Variants in USP8 observed in about 807,000 individuals in gnomAD.
USP8 encodes ubiquitin carboxyl-terminal hydrolase 8.
In USP8, 27 loss-of-function variants were observed where a neutral mutation model predicts 130.0. The observed-to-expected ratio is 0.21, with a 90% CI of 0.15 to 0.29. The LOEUF (loss-of-function observed/expected upper bound fraction) is 0.29. USP8 is among the 10% of genes least tolerant of loss of function. The probability of loss-of-function intolerance (pLI) is 1.00; values close to 1 mark genes in which losing one functional copy is unlikely to be tolerated. For missense variants in USP8, 1,029 were observed against 1,312.2 expected (o/e 0.78, Z 3.33); for synonymous variants, 392 against 444.1 (o/e 0.88, Z 1.48).
chr15:50,488,552 CTTTTTTTTTTTTTTTTT>C (rs397853938), intron 12 of USP8, among the ~76,000 whole-genome samples: 29 of 70,942 alleles, frequency 4.1e-4, no homozygotes, highest in African/African-American at 1.4e-3. Context: ...TCAAGGTTGG[CTTTTTTTTTTTTTTTTT>C]TTTTTTTTTT....
At chr15:50,480,141 T>C (rs1348001544) in intron 10 of USP8, among the ~76,000 whole-genome samples, 5 of 152,348 alleles carry the variant, frequency 3.3e-5, no homozygotes, top group South Asian at 2.1e-4. Context: ...CATGTTCTTA[T>C]AAGTTTTTAT....
In USP8 at chr15:50,474,835, G is replaced by A. The variant is rs187806485; in HGVS notation, c.850-2014G>A. Among the ~76,000 whole-genome samples the A allele has an allele frequency of 3.5e-3, 532 of 152,264 alleles. 5 individuals carry two copies. Among genetic ancestry groups the A allele is most frequent in the African/African-American group, 0.012 (493 of 41,556 alleles). On this transcript the variant is annotated intron_variant, in intron 8 of 19. Coordinates refer to ENST00000307179, the MANE Select transcript of USP8 (RefSeq NM_005154.5). ...ATGAAGACTGTGTTTATGGCTGGCC[G>A]CGGTGGCTCACACCTGTGATCCCAG...
At chr15:50,483,663 G>C (rs149186552) in intron 11 of USP8, among the ~76,000 whole-genome samples, 1 of 151,868 alleles carries the variant, frequency 6.6e-6, no homozygotes, top group Non-Finnish European at 1.5e-5. Flanking sequence ...GTGTGGTGGC[G>C]GGCGCCTGTA....
chr15:50,455,268 A>G (rs971752545), intron 4 of USP8, among the ~76,000 whole-genome samples: 4 of 151,188 alleles, frequency 2.6e-5, no homozygotes, highest in African/African-American at 9.7e-5. Flanking sequence ...TTGTAGAGAC[A>G]GGGTTTCACC....
chr15:50,433,672 C>G (rs2049999367), intron 1 of USP8, among the ~76,000 whole-genome samples: 1 of 152,142 alleles, frequency 6.6e-6, no homozygotes, highest in African/African-American at 2.4e-5. Context: ...GTGGCGCGAT[C>G]TCAGCTCACT....
At chr15:50,464,744 C>T (rs1464225021) in intron 6 of USP8, among the ~76,000 whole-genome samples, 1 of 152,178 alleles carries the variant, frequency 6.6e-6, no homozygotes, top group Non-Finnish European at 1.5e-5. Flanking sequence ...TTCCCAGCTA[C>T]TCAGGAGGCT....
rs2050497244 is a variant in USP8, at chr15:50,447,970, A to G, written c.250-1430A>G. ...CTCAGGCTGGTGTCAAACTCCTGAC[A>G]TCAGATAGATGATCCACCCACCCCA... On this transcript the variant is annotated intron_variant, in intron 3 of 19. Transcript: ENST00000307179. 1.3e-5 allele frequency among the ~76,000 whole-genome samples: 2 copies of G among 151,230 alleles called. 1 individual carries two copies. Among genetic ancestry groups the G allele is most frequent in the South Asian group, 4.2e-4 (2 of 4,772 alleles).
At position 50,465,033 on chromosome 15, in the gene USP8, C is replaced by T. The variant is rs771338306; in HGVS notation, c.542-14C>T. The T allele has an allele frequency of 6.2e-7, 1 of 1,612,726 alleles. No individual in the cohort carries two copies. The highest frequency in any genetic ancestry group is 1.1e-5 in the South Asian group (1 of 90,832). ...CTGTTTCTTGTCACTTACACTGTCT[C>T]TCTCAATTCCAAGGAGCAATCACAG... On this transcript the variant is annotated splice_polypyrimidine_tract_variant and intron_variant, in intron 6 of 19. Coordinates refer to ENST00000307179, the MANE Select transcript of USP8 (RefSeq NM_005154.5).
intron 7 of USP8, among the ~76,000 whole-genome samples, chr15:50,468,471 G>A (rs951035779): frequency 6.6e-6 from 1 of 151,840 alleles, no homozygotes; most frequent in Admixed American, 6.6e-5. Context: ...TTGAACTCCT[G>A]GCCTCAAGTG....
intron 1 of USP8, among the ~76,000 whole-genome samples, chr15:50,438,435 C>G (rs1206820156): frequency 1.3e-5 from 2 of 152,148 alleles, no homozygotes; most frequent in African/African-American, 4.8e-5. Context: ...AACACAAAAA[C>G]TAGCTGGGGG....
intron 4 of USP8, among the ~76,000 whole-genome samples, chr15:50,450,582 C>T (rs1372401292): frequency 6.7e-6 from 1 of 150,254 alleles, no homozygotes; most frequent in African/African-American, 2.4e-5. Flanking sequence ...AGTCATTCTC[C>T]TGCCTCAGCC....
intron 5 of USP8, among the ~76,000 whole-genome samples, chr15:50,459,996 C>CCCCCCCCTTT (rs567135111): frequency 1.2e-4 from 11 of 92,008 alleles, no homozygotes; most frequent in South Asian, 4.0e-4. Context: ...CACCCCCCCC[C>CCCCCCCCTTT]TTTTTTTTTT....
Position 50,455,276 on chromosome 15 carries a change from A to G in USP8, c.336-3724A>G, listed in dbSNP as rs574235645. 3.9e-4 allele frequency among the ~76,000 whole-genome samples: 59 copies of G among 151,168 alleles called. 1 individual carries two copies. The highest frequency in any genetic ancestry group is 1.0e-3 in the African/African-American group (43 of 41,354). ...TGTTTTTTTGTAGAGACAGGGTTTC[A>G]CCATGTTGCCCAAACTGGTCTCAAG... On this transcript the variant is annotated intron_variant, in intron 4 of 19. Coordinates refer to ENST00000307179, the MANE Select transcript of USP8 (RefSeq NM_005154.5).
chr15:50,458,763 A>C (rs1244625577), intron 4 of USP8, among the ~76,000 whole-genome samples: 1 of 152,250 alleles, frequency 6.6e-6, no homozygotes, highest in African/African-American at 2.4e-5. Context: ...GAGAAAGAGC[A>C]AAAAGCACTA....
intron 3 of USP8, among the ~76,000 whole-genome samples, chr15:50,444,142 C>T (rs1282279519): frequency 7.8e-6 from 1 of 128,186 alleles, no homozygotes; most frequent in African/African-American, 3.0e-5. Context: ...CTTGTTCTGT[C>T]ACCCAGGCTG....
At position 50,490,892 on chromosome 15, in the gene USP8, A is replaced by G. The variant is rs115215173; in HGVS notation, c.2234+367A>G. ...AATATTGAGCTTGCCTTGTTGCAGCACTCAAGTTCCAAACTTTTTTTCCCC... is the reference window on the plus strand; with the variant it reads ...AATATTGAGCTTGCCTTGTTGCAGCGCTCAAGTTCCAAACTTTTTTTCCCC... On this transcript the variant is annotated intron_variant, in intron 14 of 19. Coordinates refer to ENST00000307179, the MANE Select transcript of USP8 (RefSeq NM_005154.5). 3.6e-3 allele frequency among the ~76,000 whole-genome samples: 545 copies of G among 152,222 alleles called. 4 individuals are homozygous for G. Among genetic ancestry groups the G allele is most frequent in the African/African-American group, 0.012 (516 of 41,498 alleles).
At chr15:50,463,713 A>G (rs1447900420) in intron 6 of USP8, among the ~76,000 whole-genome samples, 1 of 152,152 alleles carries the variant, frequency 6.6e-6, no homozygotes. Flanking sequence ...ATGGCTAGAG[A>G]TGGAAGGAGG....
rs767857177 is a variant in USP8, at chr15:50,497,167, C to T, written c.2974C>T (p.Arg992Trp). ...RFYCSHCRAR[R>W]DSLKKIEIWK... Reference sequence around the variant, plus strand: ...TTACTGCAGTCATTGCAGAGCTCGACGGGATTCTCTAAAAAAGATAGAAAT... The same window carrying T: ...TTACTGCAGTCATTGCAGAGCTCGATGGGATTCTCTAAAAAAGATAGAAAT... Residue 992 changes from arginine (R) to tryptophan (W), a missense_variant, in exon 18 of 20, where the codon CGG (arginine) becomes TGG (tryptophan). Around this residue, in one of 4 missense-constraint regions of USP8, gnomAD observed 257 missense variants for 429.8 expected, o/e 0.60. Transcript: ENST00000307179. 3.1e-6 allele frequency: 5 copies of T among 1,610,222 alleles called. No individual in the cohort carries two copies. Among genetic ancestry groups the T allele is most frequent in the Non-Finnish European group, 4.2e-6 (5 of 1,178,458 alleles).
rs1473987986 is a variant in USP8, at chr15:50,486,408, T to A, written c.1890+2047T>A. Among the ~76,000 whole-genome samples the A allele has an allele frequency of 2.6e-5, 4 of 151,842 alleles. No homozygotes were observed. The South Asian group carries it at 8.4e-4, about 32-fold the overall frequency. On this transcript the variant is annotated intron_variant, in intron 12 of 19. Coordinates refer to ENST00000307179, the MANE Select transcript of USP8 (RefSeq NM_005154.5). ...AGGCTGAGGTGGGAGGATCACCTGATCCTGGGAAGGTCAAGGATACAGTGA... is the reference window on the plus strand; with the variant it reads ...AGGCTGAGGTGGGAGGATCACCTGAACCTGGGAAGGTCAAGGATACAGTGA...
Sources: gnomAD v4.1 joint callset for allele counts (sites outside exome capture counted in the v4.1 genomes callset) on GRCh38, gnomAD v4.1.1 for gene constraint, gnomAD v4.1.1 regional missense constraint, MANE v1.5 for transcripts, NCBI Gene and HGNC (gene_info 2026-07-23, HGNC 2026-07-21) for gene names.